Variants in ADAM12 observed in about 807,000 individuals in gnomAD.
ADAM12 encodes disintegrin and metalloproteinase domain-containing protein 12.
ADAM12 carries 70 observed loss-of-function variants against 106.4 expected under a neutral mutation model. The ratio of observed to expected loss-of-function variants is 0.66; its 90% CI spans 0.54 to 0.80. The LOEUF is 0.80. Ranked by LOEUF, ADAM12 falls within the 30% of genes least tolerant of loss-of-function variation. ADAM12 has a pLI of 0.00. For synonymous variants in ADAM12, 420 were observed against 433.5 expected (o/e 0.97, Z 0.39); for missense variants, 1,010 against 1,171.9 (o/e 0.86, Z 2.02).
rs771082966 is a variant in ADAM12 at position 126,278,935 on chromosome 10, G to T, written c.240C>A (p.Ile80=). ...IRLQRESKEL[I]INLERNEGLI... ...CTTACTCATTTCTTTCCAGATTTAT[G>T]ATCAGTTCTTTGCTTTCCCGTTGTA... The change falls in exon 3 of 23, where the codon ATC becomes ATA. Residue 80 remains isoleucine (I), a synonymous_variant. Transcript: ENST00000448723. The T allele has an allele frequency of 6.2e-7, 1 of 1,611,650 alleles. No homozygotes were observed. Among genetic ancestry groups the T allele is most frequent in the South Asian group, 1.1e-5 (1 of 90,750 alleles).
intron 3 of ADAM12, among the ~76,000 whole-genome samples, chr10:126,185,482 GTT>G (rs5788774): frequency 1.3e-5 from 2 of 148,356 alleles, no homozygotes; most frequent in African/African-American, 4.9e-5. Flanking sequence ...GTTAACATCT[GTT>G]TTTTTTTTTG....
At chr10:126,312,829 G>A (rs1189497861) in intron 2 of ADAM12, among the ~76,000 whole-genome samples, 34 of 152,178 alleles carry the variant, frequency 2.2e-4, no homozygotes, top group Non-Finnish European at 1.5e-5. Context: ...AACCAGGAAC[G>A]ATGCCCTCTC....
chr10:126,261,089 A>G (rs762184849), intron 3 of ADAM12, among the ~76,000 whole-genome samples: 41 of 152,218 alleles, frequency 2.7e-4, no homozygotes, highest in Non-Finnish European at 5.4e-4. Flanking sequence ...TAAAGTATAC[A>G]GGAGGATTTA....
intron 11 of ADAM12, among the ~76,000 whole-genome samples, chr10:126,089,415 C>T (rs1174254541): frequency 1.3e-5 from 2 of 152,268 alleles, no homozygotes; most frequent in East Asian, 3.9e-4. Flanking sequence ...ATGAATTACA[C>T]CAGAACTAAA....
At chr10:126,183,488 C>T (rs1278017194) in intron 3 of ADAM12, among the ~76,000 whole-genome samples, 1 of 152,168 alleles carries the variant, frequency 6.6e-6, no homozygotes, top group Admixed American at 6.5e-5. Context: ...TCACCTCCTG[C>T]CATGCCATTT....
intron 1 of ADAM12, among the ~76,000 whole-genome samples, chr10:126,337,616 T>C (rs1184505832): frequency 6.6e-6 from 1 of 152,112 alleles, no homozygotes; most frequent in Non-Finnish European, 1.5e-5. Context: ...CCAGTCCAAC[T>C]CAAATGCCAA....
chr10:126,339,804 G>T (rs1413216979), intron 1 of ADAM12, among the ~76,000 whole-genome samples: 3 of 150,096 alleles, frequency 2.0e-5, no homozygotes, highest in Non-Finnish European at 4.4e-5. Flanking sequence ...TCAAGGCAGG[G>T]AAATTAAATT....
In ADAM12 at chr10:126,053,926, C is replaced by T. The variant is rs1228640982; in HGVS notation, c.1610-4257G>A. 3.3e-5 allele frequency among the ~76,000 whole-genome samples: 5 copies of T among 152,032 alleles called. No homozygotes were observed. Among genetic ancestry groups the T allele is most frequent in the Non-Finnish European group, 4.4e-5 (3 of 68,018 alleles). The stretch of plus-strand genomic sequence containing the variant: ...TTCACCATGTTGGCCAGGGTGGTCT[C>T]GAACTCCTGACCTCAGGTGATTCAC... On this transcript the variant is annotated intron_variant, in intron 14 of 22. Transcript: ENST00000448723. This position sits in a 1 kb window ranked among gnomAD's most constrained non-coding sequence, Gnocchi z 4.6.
chr10:126,348,362 C>T (rs976294355), intron 1 of ADAM12, among the ~76,000 whole-genome samples: 1 of 152,104 alleles, frequency 6.6e-6, no homozygotes, highest in Non-Finnish European at 1.5e-5. Flanking sequence ...TGATATCAGG[C>T]TTTGAATGGG....
At chr10:126,102,038 G>T (rs1167377286) in intron 8 of ADAM12, among the ~76,000 whole-genome samples, 1 of 152,096 alleles carries the variant, frequency 6.6e-6, no homozygotes, top group Non-Finnish European at 1.5e-5. Flanking sequence ...GCCCATACCT[G>T]ACTACACCTA....
Position 126,276,081 on chromosome 10 carries a change from T to C in ADAM12, c.260+2834A>G, listed in dbSNP as rs553731987. Among the ~76,000 whole-genome samples, 5 of 152,328 alleles carry C rather than the reference T, an allele frequency of 3.3e-5. No homozygotes were observed. The South Asian group carries it at 1.0e-3, about 32-fold the overall frequency. On this transcript the variant is annotated intron_variant, in intron 3 of 22. Transcript: ENST00000448723. ...AAAGTCTCATCATTTTAAATTGTTG[T>C]ATGGTATCCTGTTTCATAGCTGATT...
At chr10:126,229,160 A>C (rs985684105) in intron 3 of ADAM12, among the ~76,000 whole-genome samples, 1 of 152,146 alleles carries the variant, frequency 6.6e-6, no homozygotes, top group Non-Finnish European at 1.5e-5. Context: ...CCTTCCCAGG[A>C]GGCGGGCAGG....
intron 5 of ADAM12, among the ~76,000 whole-genome samples, chr10:126,134,193 G>T (rs992807823): frequency 1.3e-5 from 2 of 152,168 alleles, no homozygotes; most frequent in Non-Finnish European, 2.9e-5. Flanking sequence ...CAATTGTGTT[G>T]CATAAATAGG....
At chr10:126,247,695 A>G (rs189202509) in intron 3 of ADAM12, among the ~76,000 whole-genome samples, 1 of 152,348 alleles carries the variant, frequency 6.6e-6, no homozygotes, top group African/African-American at 2.4e-5. Flanking sequence ...CTTCGCTGTT[A>G]TCTAGTTTTT....
At chr10:126,288,024 G>A (rs1357777459) in intron 2 of ADAM12, among the ~76,000 whole-genome samples, 5 of 151,738 alleles carry the variant, frequency 3.3e-5, no homozygotes, top group Non-Finnish European at 7.4e-5. Flanking sequence ...ACTGGGGGGC[G>A]GAGAGGAGAC....
chr10:126,275,669 A>AT (rs1959222866), intron 3 of ADAM12, among the ~76,000 whole-genome samples: 2 of 152,258 alleles, frequency 1.3e-5, no homozygotes, highest in Admixed American at 6.5e-5. Context: ...ATGAGTAGAT[A>AT]TTTTTTGCTC....
At chr10:126,310,846 G>C (rs981118825) in intron 2 of ADAM12, among the ~76,000 whole-genome samples, 9 of 151,992 alleles carry the variant, frequency 5.9e-5, no homozygotes, top group African/African-American at 1.5e-4. Context: ...GGTGAGAATG[G>C]GACCAAAATA....
intron 21 of ADAM12, among the ~76,000 whole-genome samples, chr10:126,022,155 G>A (rs1026828054): frequency 6.6e-6 from 1 of 152,176 alleles, no homozygotes; most frequent in African/African-American, 2.4e-5. Flanking sequence ...GAGATAGTTA[G>A]GTTAGCCATT....
intron 18 of ADAM12, chr10:126,041,555 T>C: frequency 1.0e-6 from 1 of 985,158 alleles, no homozygotes; most frequent in Non-Finnish European, 1.2e-6. Flanking sequence ...TTCTCCTACC[T>C]TCTTCTCCAG....
Sources: gnomAD v4.1 joint callset for allele counts (sites outside exome capture counted in the v4.1 genomes callset) on GRCh38, gnomAD v4.1.1 for gene constraint, Gnocchi (gnomAD v3.1) non-coding constraint, MANE v1.5 for transcripts, NCBI Gene and HGNC (gene_info 2026-07-23, HGNC 2026-07-21) for gene names.